Variants in SRPK2 observed in about 807,000 individuals in gnomAD.
SRPK2 encodes the protein SFRS protein kinase 2.
SRPK2 carries 21 observed loss-of-function variants against 90.8 expected under a neutral mutation model. The ratio of observed to expected loss-of-function variants is 0.23; its 90% CI spans 0.16 to 0.33. SRPK2 has a LOEUF of 0.33. Among genes scored for constraint, SRPK2 ranks in the 10% least tolerant of loss-of-function variants. SRPK2 has a pLI of 1.00. For missense variants in SRPK2, 620 were observed against 869.0 expected (o/e 0.71, Z 3.60); for synonymous variants, 288 against 311.1 (o/e 0.93, Z 0.78).
chr7:105,154,168 A>G lies in SRPK2; in HGVS notation c.621+6339T>C, dbSNP rs1461675083. Among the ~76,000 whole-genome samples the G allele has an allele frequency of 2.0e-5, 3 of 152,234 alleles. No individual in the cohort carries two copies. The East Asian group carries it at 5.8e-4, about 29-fold the overall frequency. Reference sequence around the variant, plus strand: ...GTGAGAATTAATGAGAAAAGCCAGCAGCTGTACTTCTGAATGTCATCAGGA... The same window carrying G: ...GTGAGAATTAATGAGAAAAGCCAGCGGCTGTACTTCTGAATGTCATCAGGA... On this transcript the variant is annotated intron_variant, in intron 7 of 15. Transcript: ENST00000393651.
intron 7 of SRPK2, among the ~76,000 whole-genome samples, chr7:105,151,045 C>T (rs1198216701): frequency 6.6e-6 from 1 of 152,086 alleles, no homozygotes; most frequent in Non-Finnish European, 1.5e-5. Flanking sequence ...GACAATGATG[C>T]ACCTCATGAC....
intron 11 of SRPK2, among the ~76,000 whole-genome samples, chr7:105,140,122 G>T (rs1803491677): frequency 6.6e-6 from 1 of 151,880 alleles, no homozygotes; most frequent in Admixed American, 6.6e-5. Context: ...AATGACAAGG[G>T]GGGAAAAATC....
chr7:105,398,156 A>G (rs556648143), intron 1 of SRPK2, among the ~76,000 whole-genome samples: 10 of 152,282 alleles, frequency 6.6e-5, no homozygotes, highest in African/African-American at 1.4e-4. Context: ...TTTTTCCCCA[A>G]TCTGTTACAA....
At chr7:105,170,828 AAAGAAAGG>A (rs1303183512) in intron 3 of SRPK2, among the ~76,000 whole-genome samples, 1 of 96,776 alleles carries the variant, frequency 1.0e-5, no homozygotes, top group East Asian at 2.8e-4. Flanking sequence ...AGAGAAAGAG[AAAGAAAGG>A]AAGAAAGAAA....
chr7:105,308,684 A>C (rs952765999), intron 2 of SRPK2, among the ~76,000 whole-genome samples: 1 of 152,222 alleles, frequency 6.6e-6, no homozygotes, highest in Admixed American at 6.5e-5. Context: ...TGCTTATTCA[A>C]CTAAAGATTC....
chr7:105,215,216 A>G (rs1797314012), intron 2 of SRPK2, among the ~76,000 whole-genome samples: 1 of 152,224 alleles, frequency 6.6e-6, no homozygotes, highest in African/African-American at 2.4e-5. Context: ...TAAATATAAG[A>G]GCTAAAATTA....
intron 2 of SRPK2, among the ~76,000 whole-genome samples, chr7:105,245,933 C>T (rs1285034328): frequency 2.0e-5 from 3 of 151,976 alleles, no homozygotes; most frequent in East Asian, 1.9e-4. Context: ...GTTAGGTCAC[C>T]GCGAGGCAGG....
intron 2 of SRPK2, among the ~76,000 whole-genome samples, chr7:105,223,117 G>C (rs143073197): frequency 6.6e-6 from 1 of 152,174 alleles, no homozygotes; most frequent in South Asian, 2.1e-4. Flanking sequence ...GGCCCCAGTC[G>C]AGGAACGGCA....
rs59315868 is a variant in SRPK2 at position 105,313,425 on chromosome 7, C to T, written c.71+75223G>A. Among the ~76,000 whole-genome samples, 401 of 131,590 alleles carry T rather than the reference C, an allele frequency of 3.0e-3. 9 individuals are homozygous for T. The East Asian group carries it at 0.058, about 19-fold the overall frequency. 86.3% of individuals were successfully genotyped at this position (131,590 alleles called of 152,430 possible). A position where few individuals can be genotyped will look rare whatever the true frequency, so the allele number is the denominator to read the frequency against. ...TCACACCACTGCACTCCCGCCTGGG[C>T]AACAGAGTGAGACTCCATCTCAAAA... On this transcript the variant is annotated intron_variant, in intron 2 of 15. Transcript: ENST00000393651.
intron 2 of SRPK2, among the ~76,000 whole-genome samples, chr7:105,232,519 A>T (rs967311546): frequency 6.6e-6 from 1 of 151,780 alleles, no homozygotes; most frequent in Non-Finnish European, 1.5e-5. Flanking sequence ...TACAAAAGTA[A>T]AACAAAAACG....
chr7:105,383,101 A>G (rs1305482925), intron 2 of SRPK2, among the ~76,000 whole-genome samples: 1 of 114,864 alleles, frequency 8.7e-6, no homozygotes, highest in Non-Finnish European at 1.6e-5. Context: ...GTCTCGCTCT[A>G]TCGCCCAGGC....
chr7:105,130,183 G>T (rs924028622), intron 13 of SRPK2, among the ~76,000 whole-genome samples: 103 of 152,286 alleles, frequency 6.8e-4, no homozygotes, highest in Non-Finnish European at 7.8e-4. Flanking sequence ...TGTCCTCCCT[G>T]ACAATAGCCA....
chr7:105,327,933 C>T (rs1168547910), intron 2 of SRPK2, among the ~76,000 whole-genome samples: 7 of 152,180 alleles, frequency 4.6e-5, no homozygotes, highest in Non-Finnish European at 1.0e-4. Flanking sequence ...CCCGAGTAGC[C>T]GGGACTACAA....
In SRPK2 at chr7:105,337,418, G is replaced by A. The variant is rs565732734; in HGVS notation, c.71+51230C>T. Among the ~76,000 whole-genome samples the A allele has an allele frequency of 1.5e-4, 23 of 151,674 alleles. No individual in the cohort carries two copies. In the South Asian group the frequency reaches 2.7e-3, roughly 18 times the overall value. On this transcript the variant is annotated intron_variant, in intron 2 of 15. Coordinates refer to ENST00000393651, the MANE Select transcript of SRPK2 (RefSeq NM_182692.3). The stretch of plus-strand genomic sequence containing the variant: ...CAAACTCTGCTTCCCCGGTTCAAGC[G>A]ATTCTCCTGCCTCAGCTTCCCGAGT...
chr7:105,292,232 TG>T (rs1291167877), intron 2 of SRPK2, among the ~76,000 whole-genome samples: 1 of 151,870 alleles, frequency 6.6e-6, no homozygotes, highest in Non-Finnish European at 1.5e-5. Context: ...TTAGGCTGGG[TG>T]TGGTGGCTCA....
chr7:105,133,303 C>T (rs189813055), intron 11 of SRPK2, among the ~76,000 whole-genome samples, 199 bp from the exon 12 acceptor site: 21 of 152,322 alleles, frequency 1.4e-4, no homozygotes, highest in African/African-American at 5.0e-4. Flanking sequence ...AAAGAGCAAA[C>T]TGGGCTGCCC....
At chr7:105,164,262 G>A (rs563325337) in intron 6 of SRPK2, among the ~76,000 whole-genome samples, 3 of 152,314 alleles carry the variant, frequency 2.0e-5, no homozygotes, top group African/African-American at 7.2e-5. Flanking sequence ...CTTATTATGA[G>A]AGCTAATTTT....
chr7:105,266,496 G>A (rs1805098269), intron 2 of SRPK2, among the ~76,000 whole-genome samples: 1 of 151,984 alleles, frequency 6.6e-6, no homozygotes, highest in Non-Finnish European at 1.5e-5. Context: ...ATAACTTTTG[G>A]TTTGCTTACA....
intron 3 of SRPK2, among the ~76,000 whole-genome samples, chr7:105,170,979 GAAAGA>G (rs1791019825): frequency 9.8e-6 from 1 of 102,400 alleles, no homozygotes; most frequent in Admixed American, 1.1e-4. Context: ...GAAAGAAAGA[GAAAGA>G]AAGAAAGAAA....
Sources: gnomAD v4.1 joint callset for allele counts (sites outside exome capture counted in the v4.1 genomes callset) on GRCh38, gnomAD v4.1.1 for gene constraint, MANE v1.5 for transcripts, NCBI Gene and HGNC (gene_info 2026-07-23, HGNC 2026-07-21) for gene names.